Variants in PCDHB6 observed in about 807,000 individuals in gnomAD.
PCDHB6 encodes the protein protocadherin beta 6, also known as protocadherin beta-6.
For missense variants in PCDHB6, 1,137 were observed against 1,010.1 expected (o/e 1.13, Z -1.70); for synonymous variants, 506 against 459.0 (o/e 1.10, Z -1.31).
Position 141,152,063 on chromosome 5 carries a change from C to G in PCDHB6, c.1806C>G (p.Tyr602Ter), listed in dbSNP as rs782741145. The change falls in exon 1 of 1, where the codon TAC becomes TAG. Residue 602 changes from tyrosine (Y) to a stop codon, truncating the protein, a stop_gained. Coordinates refer to ENST00000231136, the MANE Select transcript of PCDHB6 (RefSeq NM_018939.4). LOFTEE classifies it low-confidence loss of function (END_TRUNC). Reference sequence around the variant, plus strand: ...CGGGCCAGAACGCCTGGCTGTCGTACCAGCTGCTCAAGGCCACGGAGCTCG... The same window carrying G: ...CGGGCCAGAACGCCTGGCTGTCGTAGCAGCTGCTCAAGGCCACGGAGCTCG... ...GDSGQNAWLSYQLLKATELGL... is the reference protein window; with the variant it reads ...GDSGQNAWLS 2 of 1,607,238 alleles carry G rather than the reference C, an allele frequency of 1.2e-6. No individual in the cohort carries two copies. Among genetic ancestry groups the G allele is most frequent in the African/African-American group, 1.3e-5 (1 of 74,948 alleles).
In PCDHB6 at chr5:141,152,729, C is replaced by G; in HGVS notation, c.*87C>G. On this transcript the variant is annotated 3_prime_UTR_variant, in exon 1 of 1. Coordinates refer to ENST00000231136, the MANE Select transcript of PCDHB6 (RefSeq NM_018939.4). ...ATGGTCTGTTTCTTGTTTATTTTAC[C>G]TCTATTCTTTAGGTTGAAATTTTAT... is the stretch of plus-strand genomic sequence containing the variant. The G allele has an allele frequency of 8.1e-7, 1 of 1,230,262 alleles. No individual in the cohort carries two copies. The highest frequency in any genetic ancestry group is 2.5e-5 in the East Asian group (1 of 39,544). The allele number at this position is 1,230,262 out of a possible 1,614,324, so 76.2% of individuals were successfully genotyped here.
chr5:141,151,496 C>T lies in PCDHB6; in HGVS notation c.1239C>T (p.Ala413=), dbSNP rs782370478. ...GCGCGCTGGACAGAGAGAGCAGAGC[C>T]GAGTACAACATCACTATCACGGTCA... ...TEGALDRESR[A]EYNITITVTD... The change falls in exon 1 of 1, where the codon GCC becomes GCT. Residue 413 remains alanine (A), a synonymous_variant. Transcript: ENST00000231136. 2.5e-6 allele frequency: 4 copies of T among 1,614,104 alleles called. No individual in the cohort carries two copies. The highest frequency in any genetic ancestry group is 2.7e-5 in the African/African-American group (2 of 74,986).
Position 141,151,556 on chromosome 5 carries a change from G to C in PCDHB6, c.1299G>C (p.Gln433His), listed in dbSNP as rs1394287251. The C allele has an allele frequency of 1.9e-6, 3 of 1,614,046 alleles. No homozygotes were observed. The highest frequency in any genetic ancestry group is 1.7e-5 in the Admixed American group (1 of 59,992). ...DLGTPRLKTQ[Q>H]SITVQVSDVN... Reference sequence around the variant, plus strand: ...GGACACCAAGGCTGAAAACCCAGCAGAGCATAACTGTGCAGGTCTCCGACG... The same window carrying C: ...GGACACCAAGGCTGAAAACCCAGCACAGCATAACTGTGCAGGTCTCCGACG... The change falls in exon 1 of 1, where the codon CAG becomes CAC. Residue 433 changes from glutamine to histidine, a missense_variant. Physicochemically the swap from Gln to His is conservative, Grantham distance 24. Transcript: ENST00000231136.
rs17844440 is a variant in PCDHB6 at position 141,152,085 on chromosome 5, C to T, written c.1828C>T (p.Leu610Phe). 594 of 1,606,968 alleles carry T rather than the reference C, an allele frequency of 3.7e-4. 6 individuals are homozygous for T. In the East Asian group the frequency reaches 0.013, roughly 35 times the overall value. Residue 610 changes from leucine (L) to phenylalanine (F), a missense_variant, in exon 1 of 1, where the codon CTC (leucine) becomes TTC (phenylalanine). Physicochemically the swap from Leu to Phe is conservative, Grantham distance 22 (BLOSUM62 0). Transcript: ENST00000231136. ...LSYQLLKATE[L>F]GLFGVWAHNG... ...GTACCAGCTGCTCAAGGCCACGGAG[C>T]TCGGTCTGTTCGGCGTGTGGGCGCA...
rs546230569 is a variant in PCDHB6, at chr5:141,151,380, C to T, written c.1123C>T (p.His375Tyr). Residue 375 changes from histidine (H) to tyrosine (Y), a missense_variant, in exon 1 of 1, where the codon CAT becomes TAT. Transcript: ENST00000231136. ...CAGTGTTTCAGATGCAGACTCTGGA[C>T]ATAACCAACAGGTTATTTGTTCAAT... The part of the protein sequence containing the change: ...VFSVSDADSG[H>Y]NQQVICSIEN... The T allele has an allele frequency of 1.2e-5, 20 of 1,614,138 alleles. 1 individual carries two copies. In the African/African-American group the frequency reaches 1.6e-4, roughly 13 times the overall value.
rs1354411666 is a variant in PCDHB6, at chr5:141,152,439, G to A, written c.2182G>A (p.Gly728Ser). The A allele has an allele frequency of 6.2e-7, 1 of 1,613,932 alleles. No individual in the cohort carries two copies. Among genetic ancestry groups the A allele is most frequent in the Non-Finnish European group, 8.5e-7 (1 of 1,180,038 alleles). Residue 728 changes from glycine to serine, a missense_variant, in exon 1 of 1, where the codon GGT (glycine) becomes AGT (serine). By Grantham distance (56) the Gly-to-Ser change is moderately conservative. Coordinates refer to ENST00000231136, the MANE Select transcript of PCDHB6 (RefSeq NM_018939.4). Reference sequence around the variant, plus strand: ...GGTGGGTCGCTACTCGGTGCCCGAGGGTCCCTTTCCAGGGCATCTGGTGGA... The same window carrying A: ...GGTGGGTCGCTACTCGGTGCCCGAGAGTCCCTTTCCAGGGCATCTGGTGGA... ...ASVGRYSVPE[G>S]PFPGHLVDVS...
Position 141,150,725 on chromosome 5 carries a change from A to C in PCDHB6, c.468A>C (p.Ala156=), listed in dbSNP as rs373145121. ...GAAAGATATTTCCTTTGAAAATGGC[A>C]CACGATTTAGACACCGGCAGCAACG... ...MPGKIFPLKM[A]HDLDTGSNGL... is the part of the protein sequence containing the mutation. Residue 156 remains alanine (A), a synonymous_variant, in exon 1 of 1, where the codon GCA becomes GCC. Coordinates refer to ENST00000231136, the MANE Select transcript of PCDHB6 (RefSeq NM_018939.4). The C allele has an allele frequency of 6.2e-7, 1 of 1,614,104 alleles. No individual in the cohort carries two copies. The highest frequency in any genetic ancestry group is 8.5e-7 in the Non-Finnish European group (1 of 1,180,050).
chr5:141,152,428 C>G lies in PCDHB6; in HGVS notation c.2171C>G (p.Ser724Trp). ...AGGGCGGCCTCGGTGGGTCGCTACT[C>G]GGTGCCCGAGGGTCCCTTTCCAGGG... ...RSRAASVGRY[S>W]VPEGPFPGHL... The change falls in exon 1 of 1, where the codon TCG (serine) becomes TGG (tryptophan). Residue 724 changes from serine to tryptophan, a missense_variant. Ser to Trp is a radical substitution (Grantham distance 177, BLOSUM62 -3). Transcript: ENST00000231136. The G allele has an allele frequency of 1.2e-6, 2 of 1,613,912 alleles. No individual in the cohort carries two copies. The highest frequency in any genetic ancestry group is 1.7e-6 in the Non-Finnish European group (2 of 1,180,022).
Position 141,152,785 on chromosome 5 carries a change from C to A in PCDHB6, c.*143C>A. On this transcript the variant is annotated 3_prime_UTR_variant, in exon 1 of 1. Transcript: ENST00000231136. ...GTAAGATACTGGTATCTTAGTATTT[C>A]CTGTTCATGCTTAGTAGTTTATTAC... is the stretch of plus-strand genomic sequence containing the variant. 1 of 702,804 alleles carries A rather than the reference C, an allele frequency of 1.4e-6. No homozygotes were observed. The highest frequency in any genetic ancestry group is 2.2e-6 in the Non-Finnish European group (1 of 446,142). The allele number at this position is 702,804 out of a possible 1,614,324, so 43.5% of individuals were successfully genotyped here.
Position 141,150,218 on chromosome 5 carries a change from G to T in PCDHB6, c.-40G>T. Reference sequence around the variant, plus strand: ...TCGACGGTAGATGTGGTGATTGGGAGCTGAAAAGGATTTTTCTTCCGTATT... The same window carrying T: ...TCGACGGTAGATGTGGTGATTGGGATCTGAAAAGGATTTTTCTTCCGTATT... On this transcript the variant is annotated 5_prime_UTR_variant, in exon 1 of 1. Coordinates refer to ENST00000231136, the MANE Select transcript of PCDHB6 (RefSeq NM_018939.4). 1 of 1,476,374 alleles carries T rather than the reference G, an allele frequency of 6.8e-7. No individual in the cohort carries two copies. Among genetic ancestry groups the T allele is most frequent in the Non-Finnish European group, 9.3e-7 (1 of 1,076,332 alleles). The allele number at this position is 1,476,374 out of a possible 1,614,324, so 91.5% of individuals were successfully genotyped here.
chr5:141,151,465 C>G lies in PCDHB6; in HGVS notation c.1208C>G (p.Thr403Arg). The G allele has an allele frequency of 6.2e-7, 1 of 1,614,178 alleles. No individual in the cohort carries two copies. Among genetic ancestry groups the G allele is most frequent in the Non-Finnish European group, 8.5e-7 (1 of 1,180,038 alleles). ...PSVENFYTLV[T>R]EGALDRESRA... is the part of the protein sequence containing the mutation. The stretch of plus-strand genomic sequence containing the variant: ...GTGGAGAATTTCTACACCCTGGTAA[C>G]AGAAGGCGCGCTGGACAGAGAGAGC... Residue 403 changes from threonine to arginine, a missense_variant, in exon 1 of 1, where the codon ACA becomes AGA. Physicochemically the swap from Thr to Arg is moderately conservative, Grantham distance 71. Coordinates refer to ENST00000231136, the MANE Select transcript of PCDHB6 (RefSeq NM_018939.4).
chr5:141,152,646 T>C lies in PCDHB6; in HGVS notation c.*4T>C. The C allele has an allele frequency of 6.4e-7, 1 of 1,562,690 alleles. No individual in the cohort carries two copies. The highest frequency in any genetic ancestry group is 1.2e-5 in the South Asian group (1 of 83,504). On this transcript the variant is annotated 3_prime_UTR_variant, in exon 1 of 1. Transcript: ENST00000231136. ...GAATAGCTTCCCGTTCAGTTAAGTG[T>C]GGGATTATTTTACTAAATCTTACTT...
rs1342310798 is a variant in PCDHB6, at chr5:141,153,239, AGTC to A, written c.*600_*602del. ...CATGATGGTCTTTTTTTAAAAAAAAAGTCGTGCCAATTATAAGTGCTTAATAAA... is the reference window on the plus strand; with the variant it reads ...CATGATGGTCTTTTTTTAAAAAAAAAGTGCCAATTATAAGTGCTTAATAAA... On this transcript the variant is annotated 3_prime_UTR_variant, in exon 1 of 1. Coordinates refer to ENST00000231136, the MANE Select transcript of PCDHB6 (RefSeq NM_018939.4). 2 of 166,044 alleles carry A rather than the reference AGTC, an allele frequency of 1.2e-5. No individual in the cohort carries two copies. Among genetic ancestry groups the A allele is most frequent in the Non-Finnish European group, 2.9e-5 (2 of 68,102 alleles). 10.3% of individuals were successfully genotyped at this position (166,044 alleles called of 1,614,324 possible). A position where few individuals can be genotyped will look rare whatever the true frequency, so the allele number is the denominator to read the frequency against.
In PCDHB6 at chr5:141,151,982, C is replaced by T. The variant is rs1752887485; in HGVS notation, c.1725C>T (p.Pro575=). The T allele has an allele frequency of 6.2e-7, 1 of 1,609,882 alleles. No individual in the cohort carries two copies. Among genetic ancestry groups the T allele is most frequent in the East Asian group, 2.2e-5 (1 of 44,862 alleles). ...CCGCGCCCTGCACCGAGCTGGTGCC[C>T]CGGGCGGCCGAGCCGGGCTACCTGG... is the stretch of plus-strand genomic sequence containing the variant. ...NGSAPCTELV[P]RAAEPGYLVT... Residue 575 remains proline, a synonymous_variant, in exon 1 of 1, where the codon CCC becomes CCT. Transcript: ENST00000231136.
rs1554278066 is a variant in PCDHB6 at position 141,152,546 on chromosome 5, G to A, written c.2289G>A (p.Lys763=). ...LTGGSETNEF[K]FLKPIMPNFP... ...GAGGCTCAGAAACAAATGAGTTCAA[G>A]TTCCTGAAGCCGATTATGCCCAACT... Residue 763 remains lysine, a synonymous_variant, in exon 1 of 1, where the codon AAG becomes AAA. Transcript: ENST00000231136. 2 of 1,614,026 alleles carry A rather than the reference G, an allele frequency of 1.2e-6. No homozygotes were observed. Among genetic ancestry groups the A allele is most frequent in the Non-Finnish European group, 1.7e-6 (2 of 1,180,030 alleles).
chr5:141,152,516 G>C lies in PCDHB6; in HGVS notation c.2259G>C (p.Leu753=). ...LSQSYQYKVC[L]TGGSETNEFK... is the part of the protein sequence containing the mutation. ...AGAGCTACCAGTACAAGGTGTGTCT[G>C]ACGGGAGGCTCAGAAACAAATGAGT... The change falls in exon 1 of 1, where the codon CTG becomes CTC. Residue 753 remains leucine (L), a synonymous_variant. Coordinates refer to ENST00000231136, the MANE Select transcript of PCDHB6 (RefSeq NM_018939.4). 6.2e-7 allele frequency: 1 copy of C among 1,614,128 alleles called. No individual in the cohort carries two copies. Among genetic ancestry groups the C allele is most frequent in the South Asian group, 1.1e-5 (1 of 91,082 alleles).
In PCDHB6 at chr5:141,151,954, G is replaced by C; in HGVS notation, c.1697G>C (p.Gly566Ala). The change falls in exon 1 of 1, where the codon GGC (glycine) becomes GCC (alanine). Residue 566 changes from glycine to alanine, a missense_variant. By Grantham distance (60) the Gly-to-Ala change is moderately conservative. Coordinates refer to ENST00000231136, the MANE Select transcript of PCDHB6 (RefSeq NM_018939.4). ...TTCGTGTTGTACCCGCTGCAGAACG[G>C]CTCCGCGCCCTGCACCGAGCTGGTG... ...SPFVLYPLQNGSAPCTELVPR... is the reference protein window; with the variant it reads ...SPFVLYPLQNASAPCTELVPR... 6.2e-7 allele frequency: 1 copy of C among 1,610,876 alleles called. No homozygotes were observed. The highest frequency in any genetic ancestry group is 8.5e-7 in the Non-Finnish European group (1 of 1,179,714).
At position 141,152,965 on chromosome 5, in the gene PCDHB6, G is replaced by C. The variant is rs1752926712; in HGVS notation, c.*323G>C. On this transcript the variant is annotated 3_prime_UTR_variant, in exon 1 of 1. Transcript: ENST00000231136. ...GTATTTCTAGCTATTGGTAAGAGTT[G>C]TTTCACTATTGCTATGTAGGACTGT... 1 of 208,010 alleles carries C rather than the reference G, an allele frequency of 4.8e-6. No individual in the cohort carries two copies. Among genetic ancestry groups the C allele is most frequent in the Admixed American group, 5.7e-5 (1 of 17,534 alleles). 12.9% of individuals were successfully genotyped at this position (208,010 alleles called of 1,614,324 possible). A position where few individuals can be genotyped will look rare whatever the true frequency, so the allele number is the denominator to read the frequency against.
Position 141,152,139 on chromosome 5 carries a change from C to T in PCDHB6, c.1882C>T (p.Leu628=). ...TGGCGAGGTGCGCACCGCCAGGCTG[C>T]TGAGCGAGCGAGACGCAGCCAAGCA... The part of the protein sequence containing the change: ...HNGEVRTARL[L]SERDAAKHRL... Residue 628 remains leucine (L), a synonymous_variant, in exon 1 of 1, where the codon CTG becomes TTG. Transcript: ENST00000231136. The T allele has an allele frequency of 6.2e-7, 1 of 1,607,748 alleles. No individual in the cohort carries two copies. Among genetic ancestry groups the T allele is most frequent in the Non-Finnish European group, 8.5e-7 (1 of 1,179,710 alleles).
Sources: gnomAD v4.1 joint callset for allele counts on GRCh38, gnomAD v4.1.1 for gene constraint, MANE v1.5 for transcripts, NCBI Gene and HGNC (gene_info 2026-07-23, HGNC 2026-07-21) for gene names.